The following MAP7D2 variants were observed in gnomAD, a reference collection of about 807,000 sequenced individuals.
MAP7D2 encodes the protein MAP7 domain containing 2, also known as MAP7 domain-containing protein 2.
In MAP7D2, 33 loss-of-function variants were observed where a neutral mutation model predicts 63.5. That is an observed-to-expected ratio of 0.52 (90% CI 0.39 to 0.70). MAP7D2 has a LOEUF of 0.70. Ranked by LOEUF, MAP7D2 falls within the 30% of genes least tolerant of loss-of-function variation. The pLI, the probability that MAP7D2 is intolerant of heterozygous loss-of-function variation, is 0.00. For synonymous variants in MAP7D2, 224 were observed against 223.7 expected (o/e 1.00, Z -0.01); for missense variants, 626 against 604.0 (o/e 1.04, Z -0.38).
intron 10 of MAP7D2, among the ~76,000 whole-genome samples, chrX:20,024,057 C>T (rs2073750977): frequency 8.9e-6 from 1 of 111,891 alleles, no homozygotes; most frequent in South Asian, 3.8e-4. Context: ...ACTCTAAATT[C>T]GGTGCTGGCC....
chrX:20,055,190 G>A (rs1795799930), intron 4 of MAP7D2, among the ~76,000 whole-genome samples: 1 of 110,441 alleles, frequency 9.1e-6, no homozygotes, highest in African/African-American at 3.3e-5. Context: ...AGTTTCCCAG[G>A]CCTGTATACA....
At chrX:20,022,727 G>A (rs1276285897) in intron 10 of MAP7D2, among the ~76,000 whole-genome samples, 2 of 111,630 alleles carry the variant, frequency 1.8e-5, no homozygotes, top group East Asian at 5.6e-4. Flanking sequence ...GGAAGTTTGG[G>A]GAAAAAATAC....
chrX:20,104,369 C>CA (rs986039973), intron 1 of MAP7D2, among the ~76,000 whole-genome samples: 10 of 112,755 alleles, frequency 8.9e-5, no homozygotes, highest in African/African-American at 3.2e-4. Flanking sequence ...GGCACAATCT[C>CA]AGCTCACTGC....
At chrX:20,039,447 C>T (rs926096172) in intron 8 of MAP7D2, among the ~76,000 whole-genome samples, 1 of 111,874 alleles carries the variant, frequency 8.9e-6, no homozygotes, top group Admixed American at 9.5e-5. Flanking sequence ...GAAGGATAGG[C>T]GTAATTACGA....
intron 1 of MAP7D2, among the ~76,000 whole-genome samples, chrX:20,089,754 A>G (rs1005434850): frequency 1.8e-5 from 2 of 112,602 alleles, no homozygotes; most frequent in Admixed American, 1.9e-4. Flanking sequence ...TACAATGTAC[A>G]TATTTCTGTA....
intron 1 of MAP7D2, among the ~76,000 whole-genome samples, chrX:20,089,690 G>A (rs1329387042): frequency 8.9e-6 from 1 of 112,431 alleles, no homozygotes; most frequent in Non-Finnish European, 1.9e-5. Context: ...CCTTGGAGCA[G>A]GAGCTTTCCA....
At chrX:20,094,529 TA>T (rs2036962378) in intron 1 of MAP7D2, among the ~76,000 whole-genome samples, 5 of 16,079 alleles carry the variant, frequency 3.1e-4, no homozygotes, top group African/African-American at 1.8e-3. Context: ...TATATATATA[TA>T]TATATATATA....
chrX:20,070,458 T>C (rs2065475709), intron 1 of MAP7D2, among the ~76,000 whole-genome samples: 2 of 109,809 alleles, frequency 1.8e-5, no homozygotes, highest in Non-Finnish European at 3.8e-5. Flanking sequence ...GGATTGACAA[T>C]GACCTCAAAA....
At chrX:20,058,895 C>G (rs767302207) in intron 3 of MAP7D2, among the ~76,000 whole-genome samples, 2 of 112,081 alleles carry the variant, frequency 1.8e-5, no homozygotes, top group South Asian at 7.4e-4. Context: ...GTCAGTATTG[C>G]CTCGTGTTTG....
At chrX:20,066,721 C>T (rs2065371772) in intron 1 of MAP7D2, among the ~76,000 whole-genome samples, 1 of 111,461 alleles carries the variant, frequency 9.0e-6, no homozygotes. Context: ...CTACCCTGCT[C>T]CATCTGTTTA....
chrX:20,086,034 C>A (rs1476461461), intron 1 of MAP7D2, among the ~76,000 whole-genome samples: 3 of 112,514 alleles, frequency 2.7e-5, no homozygotes, highest in African/African-American at 9.7e-5. Flanking sequence ...TCTAAGTGAT[C>A]ATTCAAGCTG....
rs1335189432 is a variant in MAP7D2, at chrX:20,076,840, T to C, written c.131-12035A>G. ...ATAAAATATGCCCACTAAATTCCCA[T>C]AGGTTTCCTTTTAAAACAGCTAACT... On this transcript the variant is annotated intron_variant, in intron 1 of 16. Transcript: ENST00000379643. Among the ~76,000 whole-genome samples the C allele has an allele frequency of 5.3e-5, 6 of 112,772 alleles. No homozygotes were observed. In the East Asian group the frequency reaches 1.7e-3, roughly 31 times the overall value.
At chrX:20,049,328 G>T (rs1284769376) in intron 6 of MAP7D2, among the ~76,000 whole-genome samples, 1 of 104,013 alleles carries the variant, frequency 9.6e-6, no homozygotes, top group Non-Finnish European at 2.0e-5. Flanking sequence ...CTGGAGTACA[G>T]TGGTGCAATC....
chrX:20,033,004 C>T (rs1393176576), intron 8 of MAP7D2, among the ~76,000 whole-genome samples: 1 of 111,787 alleles, frequency 8.9e-6, no homozygotes, highest in East Asian at 2.8e-4. Context: ...CAGCCAATAG[C>T]CATCATCAAC....
At chrX:20,052,361 C>T (rs745900189) in intron 5 of MAP7D2, 2 of 263,803 alleles carry the variant, frequency 7.6e-6, no homozygotes, top group Non-Finnish European at 1.4e-5. Context: ...CGCCACCCAA[C>T]CTTTTCCTCT....
chrX:20,011,103 C>T, intron 15 of MAP7D2, 51 bp from the exon 16 acceptor site: 1 of 1,122,337 alleles, frequency 8.9e-7, no homozygotes, highest in Non-Finnish European at 1.2e-6. Context: ...AGACAGACAA[C>T]ATGGCACAAT....
intron 1 of MAP7D2, among the ~76,000 whole-genome samples, chrX:20,096,259 C>CT (rs777881819): frequency 0.015 from 1,325 of 86,939 alleles, 12 homozygotes; most frequent in Middle Eastern, 0.022. Flanking sequence ...AGACCCTGTC[C>CT]TTTTTTTTTT....
At chrX:20,053,519 T>C (rs926001923) in intron 4 of MAP7D2, among the ~76,000 whole-genome samples, 1 of 111,998 alleles carries the variant, frequency 8.9e-6, no homozygotes, top group Non-Finnish European at 1.9e-5. Context: ...TTGGTTTTCC[T>C]TTTCTTACTT....
chrX:20,059,766 G>C (rs1175575952), intron 3 of MAP7D2, among the ~76,000 whole-genome samples: 1 of 110,184 alleles, frequency 9.1e-6, no homozygotes, highest in African/African-American at 3.3e-5. Flanking sequence ...AGGAAGGAAA[G>C]ATAGAAAGGA....
Sources: gnomAD v4.1 joint callset for allele counts (sites outside exome capture counted in the v4.1 genomes callset) on GRCh38, gnomAD v4.1.1 for gene constraint, MANE v1.5 for transcripts, NCBI Gene and HGNC (gene_info 2026-07-23, HGNC 2026-07-21) for gene names.